The following NEXMIF variants were observed in gnomAD, a reference collection of about 807,000 sequenced individuals.
The protein encoded by NEXMIF is XLMR protein related to neurite extension.
In NEXMIF, 8 loss-of-function variants were observed where a neutral mutation model predicts 62.1. The ratio of observed to expected loss-of-function variants is 0.13; its 90% CI spans 0.08 to 0.23. The LOEUF is 0.23. Among genes scored for constraint, NEXMIF ranks in the 10% least tolerant of loss-of-function variants. NEXMIF has a pLI of 1.00. For synonymous variants in NEXMIF, 404 were observed against 416.6 expected (o/e 0.97, Z 0.37); for missense variants, 976 against 1,113.3 (o/e 0.88, Z 1.75).
intron 1 of NEXMIF, among the ~76,000 whole-genome samples, chrX:74,779,540 C>A (rs1261185262): frequency 1.8e-5 from 2 of 111,567 alleles, no homozygotes; most frequent in Non-Finnish European, 3.8e-5. Flanking sequence ...CATACCTCAG[C>A]AGTCTTACGT....
intron 1 of NEXMIF, among the ~76,000 whole-genome samples, chrX:74,882,090 T>C (rs1034346845): frequency 8.9e-6 from 1 of 112,136 alleles, no homozygotes; most frequent in Non-Finnish European, 1.9e-5. Context: ...AGAAAATTCC[T>C]ATTCACAATA....
chrX:74,912,565 C>A (rs1484322177), intron 1 of NEXMIF, among the ~76,000 whole-genome samples: 1 of 111,068 alleles, frequency 9.0e-6, no homozygotes, highest in Non-Finnish European at 1.9e-5. Flanking sequence ...GTTCTCTGTG[C>A]CCATATTTCT....
chrX:74,883,993 A>C, intron 1 of NEXMIF, among the ~76,000 whole-genome samples: 1 of 112,380 alleles, frequency 8.9e-6, no homozygotes, highest in East Asian at 2.8e-4. Context: ...GCCAATATTC[A>C]ACATTCTTAA....
intron 1 of NEXMIF, among the ~76,000 whole-genome samples, chrX:74,811,368 C>T (rs1295167428): frequency 2.7e-5 from 3 of 111,856 alleles, no homozygotes; most frequent in Non-Finnish European, 3.8e-5. Flanking sequence ...GGCTATGTGA[C>T]GTGGGACTGG....
At chrX:74,873,449 A>G (rs1006401955) in intron 1 of NEXMIF, among the ~76,000 whole-genome samples, 4 of 112,081 alleles carry the variant, frequency 3.6e-5, no homozygotes, top group Admixed American at 9.5e-5. Flanking sequence ...CACAATAAAC[A>G]TACGTGTGCA....
intron 1 of NEXMIF, among the ~76,000 whole-genome samples, chrX:74,839,117 C>T (rs944097835): frequency 9.8e-5 from 11 of 111,955 alleles, no homozygotes; most frequent in Non-Finnish European, 2.1e-4. Flanking sequence ...TTCCTCTTCT[C>T]GCACCTTGTA....
chrX:74,782,248 CCTT>C (rs1246748515), intron 1 of NEXMIF, among the ~76,000 whole-genome samples: 8 of 111,754 alleles, frequency 7.2e-5, no homozygotes, highest in East Asian at 2.8e-4. Context: ...CAGGCAAAAT[CCTT>C]ATTACCATGA....
At chrX:74,791,719 A>T (rs1207946236) in intron 1 of NEXMIF, among the ~76,000 whole-genome samples, 5 of 109,917 alleles carry the variant, frequency 4.5e-5, no homozygotes, top group East Asian at 2.9e-4. Context: ...AGTGTATGTG[A>T]CGAGGAATTT....
At chrX:74,910,872 T>C (rs1317341512) in intron 1 of NEXMIF, among the ~76,000 whole-genome samples, 3 of 111,838 alleles carry the variant, frequency 2.7e-5, no homozygotes, top group Non-Finnish European at 5.6e-5. Context: ...GCTGCAACCA[T>C]GTAAGTAGTG....
intron 1 of NEXMIF, among the ~76,000 whole-genome samples, chrX:74,922,880 T>TG (rs1245048175): frequency 9.0e-6 from 1 of 111,647 alleles, no homozygotes; most frequent in Non-Finnish European, 1.9e-5. Flanking sequence ...AGTTTATGTC[T>TG]GGGGGGGCCA....
intron 1 of NEXMIF, among the ~76,000 whole-genome samples, chrX:74,877,032 T>C (rs1433720142): frequency 8.9e-6 from 1 of 111,745 alleles, no homozygotes; most frequent in Non-Finnish European, 1.9e-5. Flanking sequence ...GATCCTGTCT[T>C]TACGATGTTA....
chrX:74,875,898 A>C (rs2080629941), intron 1 of NEXMIF, among the ~76,000 whole-genome samples: 1 of 110,594 alleles, frequency 9.0e-6, no homozygotes, highest in African/African-American at 3.3e-5. Context: ...TTTCCTTATT[A>C]GTCTTGCTAG....
intron 1 of NEXMIF, among the ~76,000 whole-genome samples, chrX:74,770,705 T>C (rs976054641): frequency 1.1e-4 from 12 of 111,955 alleles, no homozygotes; most frequent in Middle Eastern, 4.2e-3. Flanking sequence ...TAAAGAAAAA[T>C]TCATAAGATT....
chrX:74,763,753 G>A (rs1213565486), intron 1 of NEXMIF, among the ~76,000 whole-genome samples: 6 of 111,345 alleles, frequency 5.4e-5, no homozygotes, highest in Admixed American at 9.6e-5. Flanking sequence ...GTTCACTCAT[G>A]ATTTGGCTCT....
chrX:74,808,560 A>G (rs2080351703), intron 1 of NEXMIF, among the ~76,000 whole-genome samples: 1 of 112,008 alleles, frequency 8.9e-6, no homozygotes, highest in South Asian at 3.7e-4. Context: ...TGGCTTTGGT[A>G]TTAGTGTAAT....
At chrX:74,829,503 G>A (rs951916247) in intron 1 of NEXMIF, among the ~76,000 whole-genome samples, 1 of 112,149 alleles carries the variant, frequency 8.9e-6, no homozygotes, top group Non-Finnish European at 1.9e-5. Context: ...GAACAGTGCT[G>A]CAACAAACGT....
chrX:74,923,705 C>T (rs191513194), intron 1 of NEXMIF, among the ~76,000 whole-genome samples: 1 of 112,052 alleles, frequency 8.9e-6, no homozygotes, highest in Non-Finnish European at 1.9e-5. Context: ...CCACCAAAAA[C>T]AACCAAGGAT....
intron 1 of NEXMIF, among the ~76,000 whole-genome samples, chrX:74,922,461 A>C (rs1338492679): frequency 8.9e-6 from 1 of 112,276 alleles, no homozygotes; most frequent in East Asian, 2.8e-4. Context: ...ATGTACTTAC[A>C]TAATTGTTAC....
At chrX:74,905,127 A>C (rs2080763131) in intron 1 of NEXMIF, among the ~76,000 whole-genome samples, 1 of 111,949 alleles carries the variant, frequency 8.9e-6, no homozygotes, top group African/African-American at 3.3e-5. Context: ...TGAGTAGAAA[A>C]GGGGAATGTA....
Sources: gnomAD v4.1 joint callset for allele counts (sites outside exome capture counted in the v4.1 genomes callset) on GRCh38, gnomAD v4.1.1 for gene constraint, MANE v1.5 for transcripts, NCBI Gene and HGNC (gene_info 2026-07-23, HGNC 2026-07-21) for gene names.